DYNC1H1: variants seen among roughly 807,000 people sequenced by gnomAD.
The protein encoded by DYNC1H1 is cytoplasmic dynein 1 heavy chain 1.
A neutral mutation model predicts 527.1 loss-of-function variants in DYNC1H1; 51 were observed. The observed-to-expected ratio is 0.10, with a 90% CI of 0.08 to 0.12. DYNC1H1 has a LOEUF of 0.12. DYNC1H1 is among the 10% of genes least tolerant of loss of function. The pLI, the probability that DYNC1H1 is intolerant of heterozygous loss-of-function variation, is 1.00. For missense variants in DYNC1H1, 2,771 were observed against 5,971.8 expected (o/e 0.46, Z 17.66); for synonymous variants, 2,189 against 2,278.8 (o/e 0.96, Z 1.12).
rs1046991334 is a variant in DYNC1H1 at position 102,018,825 on chromosome 14, G to T, written c.8343+209G>T. Among the ~76,000 whole-genome samples, 5 of 152,168 alleles carry T rather than the reference G, an allele frequency of 3.3e-5. No individual in the cohort carries two copies. Among genetic ancestry groups the T allele is most frequent in the African/African-American group, 9.7e-5 (4 of 41,438 alleles). The stretch of plus-strand genomic sequence containing the variant: ...AAAATAGGTGGGCGTGGTGGTGCAT[G>T]CTTGTAATGTCAGCTTCCCAGGAGG... On this transcript the variant is annotated intron_variant, in intron 41 of 77. Transcript: ENST00000360184. The surrounding 1 kb of genome is among the most constrained non-coding windows in gnomAD (Gnocchi z 5.2).
rs1445980535 is a variant in DYNC1H1, at chr14:102,033,152, C to T, written c.10167C>T (p.Cys3389=). The change falls in exon 53 of 78, where the codon TGC becomes TGT. Residue 3389 remains cysteine (C), a synonymous_variant. Transcript: ENST00000360184. The surrounding 1 kb of genome is among the most constrained non-coding windows in gnomAD (Gnocchi z 5.6). ...TTGTGAATCGGGCTTCCCTGGCTTG[C>T]GGCCCTATGGTGAAATGGGCAATTG... ...YEIVNRASLA[C]GPMVKWAIAQ... 2 of 1,614,190 alleles carry T rather than the reference C, an allele frequency of 1.2e-6. No individual in the cohort carries two copies. The highest frequency in any genetic ancestry group is 1.1e-5 in the South Asian group (1 of 91,086).
In DYNC1H1 at chr14:102,042,879, C is replaced by A; in HGVS notation, c.12513+131C>A. 9.2e-7 allele frequency: 1 copy of A among 1,083,138 alleles called. No homozygotes were observed. The allele number at this position is 1,083,138 out of a possible 1,614,324, so 67.1% of individuals were successfully genotyped here. ...GAACTGCACAGCTGCTTTTGCTTTT[C>A]AGCTGTAGGTAAAATTTCCTTCCAT... On this transcript the variant is annotated intron_variant, in intron 69 of 77. Coordinates refer to ENST00000360184, the MANE Select transcript of DYNC1H1 (RefSeq NM_001376.5). This position sits in a 1 kb window ranked among gnomAD's most constrained non-coding sequence, Gnocchi z 5.7.
chr14:101,991,187 C>G (rs2047994711), intron 10 of DYNC1H1, among the ~76,000 whole-genome samples: 1 of 151,576 alleles, frequency 6.6e-6, no homozygotes, highest in Admixed American at 6.6e-5. Flanking sequence ...AAACAAAAAG[C>G]AAAGGACTTG....
chr14:101,979,240 A>C lies in DYNC1H1; in HGVS notation c.345-79A>C. Reference sequence around the variant, plus strand: ...TATTAGAAAAGCAACACTTCAGTATATTCTTGTATGATTTTTAAATTAATA... The same window carrying C: ...TATTAGAAAAGCAACACTTCAGTATCTTCTTGTATGATTTTTAAATTAATA... On this transcript the variant is annotated intron_variant, in intron 2 of 77. Coordinates refer to ENST00000360184, the MANE Select transcript of DYNC1H1 (RefSeq NM_001376.5). The surrounding 1 kb of genome is among the most constrained non-coding windows in gnomAD (Gnocchi z 4.6). 7.1e-7 allele frequency: 1 copy of C among 1,411,246 alleles called. No individual in the cohort carries two copies. The highest frequency in any genetic ancestry group is 9.9e-7 in the Non-Finnish European group (1 of 1,006,042). 87.4% of individuals were successfully genotyped at this position (1,411,246 alleles called of 1,614,324 possible). A position where few individuals can be genotyped will look rare whatever the true frequency, so the allele number is the denominator to read the frequency against.
chr14:102,055,407 C>T lies in DYNC1H1; in HGVS notation c.*4844C>T, dbSNP rs560104135. 2 of 152,344 alleles carry T rather than the reference C, an allele frequency of 1.3e-5. No individual in the cohort carries two copies. Among genetic ancestry groups the T allele is most frequent in the South Asian group, 2.1e-4 (1 of 4,798 alleles). 9.4% of individuals were successfully genotyped at this position (152,344 alleles called of 1,614,324 possible). A position where few individuals can be genotyped will look rare whatever the true frequency, so the allele number is the denominator to read the frequency against. On this transcript the variant is annotated 3_prime_UTR_variant, in exon 78 of 78. Transcript: ENST00000360184. ...GGTGGGGCGATGAGACAGGATCGGCCGGTCCTTGACAGTCTCTGAAGCTGG... is the reference window on the plus strand; with the variant it reads ...GGTGGGGCGATGAGACAGGATCGGCTGGTCCTTGACAGTCTCTGAAGCTGG...
chr14:102,052,650 G>A lies in DYNC1H1; in HGVS notation c.*2087G>A, dbSNP rs1221108328. The stretch of plus-strand genomic sequence containing the variant: ...TTTCTCTCTCCCAAACCTAGGTGGT[G>A]GCCATGCCCCTCGAGCTCTGCTTGG... On this transcript the variant is annotated 3_prime_UTR_variant, in exon 78 of 78. Coordinates refer to ENST00000360184, the MANE Select transcript of DYNC1H1 (RefSeq NM_001376.5). 6.6e-6 allele frequency: 1 copy of A among 152,194 alleles called. No individual in the cohort carries two copies. Among genetic ancestry groups the A allele is most frequent in the Non-Finnish European group, 1.5e-5 (1 of 68,082 alleles). The allele number at this position is 152,194 out of a possible 1,614,324, so 9.4% of individuals were successfully genotyped here.
chr14:102,044,803 TC>T lies in DYNC1H1; in HGVS notation c.13006+108del. 7.6e-7 allele frequency: 1 copy of T among 1,321,294 alleles called. No homozygotes were observed. Among genetic ancestry groups the T allele is most frequent in the Non-Finnish European group, 1.1e-6 (1 of 933,824 alleles). 81.8% of individuals were successfully genotyped at this position (1,321,294 alleles called of 1,614,324 possible). On this transcript the variant is annotated intron_variant, in intron 72 of 77. Transcript: ENST00000360184. This position sits in a 1 kb window ranked among gnomAD's most constrained non-coding sequence, Gnocchi z 7.1. Reference sequence around the variant, plus strand: ...CACGCAGGGTGAGTGTGCACTGCTGTCCCAGGGCCCTCCCTGGTTATGCTGG... The same window carrying T: ...CACGCAGGGTGAGTGTGCACTGCTGTCCAGGGCCCTCCCTGGTTATGCTGG...
In DYNC1H1 at chr14:102,000,335, C is replaced by T; in HGVS notation, c.4010C>T (p.Ser1337Phe). 1.9e-6 allele frequency: 3 copies of T among 1,614,150 alleles called. No homozygotes were observed. The highest frequency in any genetic ancestry group is 2.5e-6 in the Non-Finnish European group (3 of 1,180,032). The change falls in exon 18 of 78, where the codon TCT becomes TTT. Residue 1337 changes from serine to phenylalanine, a missense_variant. Ser to Phe is a radical substitution (Grantham distance 155). Coordinates refer to ENST00000360184, the MANE Select transcript of DYNC1H1 (RefSeq NM_001376.5). ...QDLKGVWSEL[S>F]KVWEQIDQMK... is the part of the protein sequence containing the mutation. ...CTCAAAGGCGTTTGGTCAGAACTTTCTAAGGTTTGGGAGCAAATCGATCAG... is the reference window on the plus strand; with the variant it reads ...CTCAAAGGCGTTTGGTCAGAACTTTTTAAGGTTTGGGAGCAAATCGATCAG...
At position 102,029,461 on chromosome 14, in the gene DYNC1H1, G is replaced by T; in HGVS notation, c.9469-78G>T. 1 of 1,600,964 alleles carries T rather than the reference G, an allele frequency of 6.2e-7. No homozygotes were observed. Among genetic ancestry groups the T allele is most frequent in the South Asian group, 1.1e-5 (1 of 89,656 alleles). On this transcript the variant is annotated intron_variant, in intron 48 of 77. Transcript: ENST00000360184. The surrounding 1 kb of genome is among the most constrained non-coding windows in gnomAD (Gnocchi z 5.3). ...TCCTTCTATCATGTCACACCCATCT[G>T]CCAAGGCCAAAATTGTTTTCTGAGG...
At chr14:102,006,209 A>T in intron 27 of DYNC1H1, 39 bp downstream of exon 27, 1 of 1,607,924 alleles carries the variant, frequency 6.2e-7, no homozygotes, top group Non-Finnish European at 8.5e-7. Context: ...GGAATCATAT[A>T]TTAAAATGTT....
rs767258854 is a variant in DYNC1H1, at chr14:102,009,997, C to T, written c.6132C>T (p.Pro2044=). ...KLFRSLAMTK[P]DRQLIAQVML... Reference sequence around the variant, plus strand: ...TCCGGAGCTTGGCCATGACCAAGCCCGACCGGCAGTTAATCGCCCAGGTCA... The same window carrying T: ...TCCGGAGCTTGGCCATGACCAAGCCTGACCGGCAGTTAATCGCCCAGGTCA... The change falls in exon 30 of 78, where the codon CCC becomes CCT. Residue 2044 remains proline, a synonymous_variant. Transcript: ENST00000360184. The T allele has an allele frequency of 1.5e-5, 25 of 1,613,888 alleles. No individual in the cohort carries two copies. Among genetic ancestry groups the T allele is most frequent in the Middle Eastern group, 1.6e-4 (1 of 6,084 alleles).
chr14:102,008,603 C>T lies in DYNC1H1; in HGVS notation c.5977+266C>T, dbSNP rs967079986. ...AGGAGTTCAAGACCAGTCTGGCCAA[C>T]GTGGTGAAACCCATCTCTACTGAAA... On this transcript the variant is annotated intron_variant, in intron 29 of 77. Transcript: ENST00000360184. Among the ~76,000 whole-genome samples, 5 of 152,048 alleles carry T rather than the reference C, an allele frequency of 3.3e-5. No individual in the cohort carries two copies. The East Asian group carries it at 5.8e-4, about 18-fold the overall frequency.
intron 7 of DYNC1H1, among the ~76,000 whole-genome samples, chr14:101,984,651 G>A (rs1174394313): frequency 6.7e-6 from 1 of 150,246 alleles, no homozygotes; most frequent in Non-Finnish European, 1.5e-5. Flanking sequence ...GGGATTCACC[G>A]GCCGGGCGCG....
intron 77 of DYNC1H1, 114 bp from the exon 78 acceptor site, chr14:102,050,320 TC>T: frequency 3.1e-6 from 5 of 1,610,388 alleles, no homozygotes; most frequent in Middle Eastern, 1.7e-4. Flanking sequence ...ACAGAGGAAA[TC>T]CATTTCGCAC....
At chr14:101,999,021 A>G (rs1036022852) in intron 16 of DYNC1H1, among the ~76,000 whole-genome samples, 6 of 150,898 alleles carry the variant, frequency 4.0e-5, no homozygotes, top group Non-Finnish European at 7.4e-5. Flanking sequence ...AGCTGGGACT[A>G]CAGGCTCCCG....
intron 23 of DYNC1H1, among the ~76,000 whole-genome samples, chr14:102,003,603 T>G (rs2048156784): frequency 6.6e-6 from 1 of 152,208 alleles, no homozygotes; most frequent in Non-Finnish European, 1.5e-5. Context: ...TCTGAATAGT[T>G]TGCTTAGGCT....
intron 43 of DYNC1H1, among the ~76,000 whole-genome samples, chr14:102,025,844 G>T (rs2048443547): frequency 6.6e-6 from 1 of 152,130 alleles, no homozygotes; most frequent in Non-Finnish European, 1.5e-5. Context: ...CAGGCCAGGT[G>T]CGGTGGCTCA....
chr14:102,048,226 A>G, intron 73 of DYNC1H1, 198 bp downstream of exon 73: 1 of 759,498 alleles, frequency 1.3e-6, no homozygotes, highest in Non-Finnish European at 2.1e-6. Context: ...GACTGAAAAC[A>G]CCCTAGAAGA....
chr14:102,040,562 C>G lies in DYNC1H1; in HGVS notation c.11866-36C>G, dbSNP rs538496966. On this transcript the variant is annotated intron_variant, in intron 63 of 77. Coordinates refer to ENST00000360184, the MANE Select transcript of DYNC1H1 (RefSeq NM_001376.5). ...CGTGGGTTCTGCCCCAGAGGCCAGC[C>G]CTGCTCCATGGGTGCTTCCACTATT... 8.1e-6 allele frequency: 13 copies of G among 1,613,802 alleles called. No homozygotes were observed. The South Asian group carries it at 1.3e-4, about 16-fold the overall frequency.
Sources: gnomAD v4.1 joint callset for allele counts (sites outside exome capture counted in the v4.1 genomes callset) on GRCh38, gnomAD v4.1.1 for gene constraint, Gnocchi (gnomAD v3.1) non-coding constraint, MANE v1.5 for transcripts, NCBI Gene and HGNC (gene_info 2026-07-23, HGNC 2026-07-21) for gene names.